The following GCC2 variants were observed in gnomAD, a reference collection of about 807,000 sequenced individuals.
The protein encoded by GCC2 is GRIP and coiled-coil domain containing 2, also known as GRIP and coiled-coil domain-containing protein 2.
GCC2 carries 120 observed loss-of-function variants against 210.6 expected under a neutral mutation model. That is an observed-to-expected ratio of 0.57 (90% CI 0.49 to 0.66). The LOEUF (loss-of-function observed/expected upper bound fraction) is 0.66, where lower values mean the gene tolerates loss of function less well. Among genes scored for constraint, GCC2 ranks in the 30% least tolerant of loss-of-function variants. The probability of loss-of-function intolerance (pLI) is 0.00; values close to 1 mark genes in which losing one functional copy is unlikely to be tolerated. For missense variants in GCC2, 1,868 were observed against 1,871.9 expected, an observed-to-expected ratio of 1.00 and a Z score of 0.04; for synonymous variants, 703 against 652.7, an observed-to-expected ratio of 1.08 and a Z score of -1.17.
intron 20 of GCC2, 79 bp downstream of exon 20, chr2:108,495,564 T>A (rs1385717741): frequency 2.0e-6 from 2 of 995,204 alleles, no homozygotes; most frequent in African/African-American, 1.6e-5. Context: ...AAGTTACATA[T>A]GCTTTTTTGG....
At chr2:108,491,166 G>A (rs1159950601) in intron 18 of GCC2, among the ~76,000 whole-genome samples, 4 of 152,192 alleles carry the variant, frequency 2.6e-5, no homozygotes, top group Non-Finnish European at 5.9e-5. Context: ...GTATTACGCA[G>A]AGACTACAGT....
At chr2:108,481,030 A>G (rs986895430) in intron 9 of GCC2, among the ~76,000 whole-genome samples, 1 of 152,222 alleles carries the variant, frequency 6.6e-6, no homozygotes, top group African/African-American at 2.4e-5. Context: ...AGAGAAAAAC[A>G]TAAAGAACTA....
chr2:108,471,983 T>C lies in GCC2; in HGVS notation c.2654T>C (p.Val885Ala). The C allele has an allele frequency of 1.2e-6, 2 of 1,603,096 alleles. No individual in the cohort carries two copies. Among genetic ancestry groups the C allele is most frequent in the Non-Finnish European group, 1.7e-6 (2 of 1,176,718 alleles). Residue 885 changes from valine to alanine, a missense_variant, in exon 6 of 23, where the codon GTA becomes GCA. Val to Ala is a moderately conservative substitution (Grantham distance 64). This residue lies in a region of GCC2 where 1,847 missense variants were observed against 1,765.2 expected (regional missense o/e 1.05). Coordinates refer to ENST00000309863, the MANE Select transcript of GCC2 (RefSeq NM_181453.4). ...AATCTTTTAATTCAAGTTGAAGAAG[T>C]ATCTCAAACATGTAGCAAAAGTGAA... ...NQNLLIQVEEVSQTCSKSEIH... is the reference protein window; with the variant it reads ...NQNLLIQVEEASQTCSKSEIH...
rs113018789 is a variant in GCC2, at chr2:108,449,565, T to G, written c.7-68T>G. 8.2e-6 allele frequency: 12 copies of G among 1,456,690 alleles called. No homozygotes were observed. In the African/African-American group the frequency reaches 1.2e-4, roughly 15 times the overall value. The allele number at this position is 1,456,690 out of a possible 1,614,324, so 90.2% of individuals were successfully genotyped here. A position where few individuals can be genotyped will look rare whatever the true frequency, so the allele number is the denominator to read the frequency against. On this transcript the variant is annotated intron_variant, in intron 1 of 22. Transcript: ENST00000309863. ...CATAGAAGGTTTTTCCCTGTAAGGG[T>G]TCTACGCGTTCCGTGTGGAATTAGG...
At chr2:108,469,524 T>C in intron 5 of GCC2, 127 bp from the exon 6 acceptor site, 2 of 633,690 alleles carry the variant, frequency 3.2e-6, no homozygotes, top group South Asian at 4.4e-5. Flanking sequence ...CAGTATCATG[T>C]TTCTCCAAAT....
chr2:108,452,334 A>G, intron 3 of GCC2, 65 bp from the exon 4 acceptor site: 3 of 852,476 alleles, frequency 3.5e-6, no homozygotes, highest in Non-Finnish European at 6.1e-6. Flanking sequence ...GAATGTACTT[A>G]TCAGTTTCCC....
chr2:108,464,074 A>T (rs1427609784), intron 4 of GCC2, among the ~76,000 whole-genome samples: 4 of 151,748 alleles, frequency 2.6e-5, no homozygotes, highest in Admixed American at 2.6e-4. Context: ...GTGCGTAAAG[A>T]TGCCGGCTGT....
At chr2:108,506,653 T>A (rs1482009477) in intron 22 of GCC2, among the ~76,000 whole-genome samples, 7 of 152,240 alleles carry the variant, frequency 4.6e-5, no homozygotes, top group Non-Finnish European at 7.3e-5. Flanking sequence ...TTTGGTTCAG[T>A]TTTAAGGTTT....
Position 108,487,692 on chromosome 2 carries a change from G to C in GCC2, c.3931-7G>C, listed in dbSNP as rs773473660. ...AGAAAAACGTTTCTCTCTTTTAAAT[G>C]TTATAGGCAGAACAAGCTACTGTAA... On this transcript the variant is annotated splice_polypyrimidine_tract_variant and splice_region_variant and intron_variant, in intron 16 of 22. Coordinates refer to ENST00000309863, the MANE Select transcript of GCC2 (RefSeq NM_181453.4). The C allele has an allele frequency of 3.1e-6, 5 of 1,609,532 alleles. No individual in the cohort carries two copies. The highest frequency in any genetic ancestry group is 4.2e-6 in the Non-Finnish European group (5 of 1,178,274).
At position 108,449,232 on chromosome 2, in the gene GCC2, C is replaced by CGGTGGCGGCGGCTGGTTGCGG; in HGVS notation, c.-41_-21dup. ...GAGGCTGGCGCAAACAGAAGTGCAG[C>CGGTGGCGGCGGCTGGTTGCGG]GGTGGCGGCGGCTGGTTGCGGGCCG... On this transcript the variant is annotated 5_prime_UTR_variant, in exon 1 of 23. Coordinates refer to ENST00000309863, the MANE Select transcript of GCC2 (RefSeq NM_181453.4). The CGGTGGCGGCGGCTGGTTGCGG allele has an allele frequency of 6.5e-7, 1 of 1,542,188 alleles. No homozygotes were observed. Among genetic ancestry groups the CGGTGGCGGCGGCTGGTTGCGG allele is most frequent in the Non-Finnish European group, 8.8e-7 (1 of 1,139,288 alleles).
intron 3 of GCC2, among the ~76,000 whole-genome samples, chr2:108,451,503 A>G (rs1366956777): frequency 6.6e-6 from 1 of 152,244 alleles, no homozygotes; most frequent in African/African-American, 2.4e-5. Flanking sequence ...TTAAAATAAT[A>G]AAAGACTTCC....
chr2:108,450,554 T>C (rs1679879154), intron 2 of GCC2, among the ~76,000 whole-genome samples: 1 of 152,248 alleles, frequency 6.6e-6, no homozygotes, highest in African/African-American at 2.4e-5. Flanking sequence ...AGTAGTTGCA[T>C]AGCAATTACA....
At chr2:108,491,172 A>G (rs1682387110) in intron 18 of GCC2, among the ~76,000 whole-genome samples, 1 of 152,224 alleles carries the variant, frequency 6.6e-6, no homozygotes, top group Non-Finnish European at 1.5e-5. Context: ...CGCAGAGACT[A>G]CAGTTAATAT....
intron 21 of GCC2, among the ~76,000 whole-genome samples, chr2:108,499,226 A>G (rs913002750): frequency 2.0e-5 from 3 of 151,570 alleles, no homozygotes; most frequent in African/African-American, 7.3e-5. Flanking sequence ...CTTCCTTCCA[A>G]CCCCAAATAG....
At chr2:108,461,830 CTTTTTCTTTTT>C (rs1680597338) in intron 4 of GCC2, among the ~76,000 whole-genome samples, 1 of 124,078 alleles carries the variant, frequency 8.1e-6, no homozygotes, top group African/African-American at 3.1e-5. Flanking sequence ...TTTTTTTTTT[CTTTTTCTTTTT>C]TTTTTTTTTT....
chr2:108,468,963 A>G lies in GCC2; in HGVS notation c.217-17A>G, dbSNP rs1430868347. The G allele has an allele frequency of 4.5e-6, 7 of 1,550,096 alleles. No homozygotes were observed. Among genetic ancestry groups the G allele is most frequent in the Non-Finnish European group, 3.6e-6 (4 of 1,122,740 alleles). On this transcript the variant is annotated splice_polypyrimidine_tract_variant and intron_variant, in intron 4 of 22. Coordinates refer to ENST00000309863, the MANE Select transcript of GCC2 (RefSeq NM_181453.4). The stretch of plus-strand genomic sequence containing the variant: ...CCATTTTTTAACCCCAGGCAAATAA[A>G]TCTTGTTCTAAAATAGGCATTAACT...
At chr2:108,503,060 G>C (rs560912002) in intron 22 of GCC2, among the ~76,000 whole-genome samples, 2 of 151,998 alleles carry the variant, frequency 1.3e-5, no homozygotes, top group East Asian at 3.9e-4. Flanking sequence ...TAAAAGGAGA[G>C]AAAAGAATAC....
chr2:108,456,104 C>A (rs778537442), intron 4 of GCC2, among the ~76,000 whole-genome samples: 1 of 152,166 alleles, frequency 6.6e-6, no homozygotes, highest in African/African-American at 2.4e-5. Context: ...TCTGCCTCAG[C>A]GTCCTGAGTA....
At chr2:108,474,070 A>G (rs1174905736) in intron 7 of GCC2, among the ~76,000 whole-genome samples, 5 of 152,036 alleles carry the variant, frequency 3.3e-5, no homozygotes, top group Admixed American at 6.5e-5. Context: ...AGGCAGGAAT[A>G]TGGCATGAAC....
Sources: allele counts gnomAD v4.1 joint callset (sites outside exome capture counted in the v4.1 genomes callset), GRCh38; gene constraint gnomAD v4.1.1; regional missense constraint gnomAD v4.1.1; transcripts MANE v1.5; gene names NCBI Gene and HGNC (gene_info 2026-07-23, HGNC 2026-07-21).